Variants in UBE2O observed in about 807,000 individuals in gnomAD.
UBE2O encodes (E3-independent) E2 ubiquitin-conjugating enzyme.
UBE2O carries 15 observed loss-of-function variants against 125.8 expected under a neutral mutation model. The observed-to-expected ratio is 0.12, with a 90% confidence interval of 0.08 to 0.18. The LOEUF is 0.18. UBE2O is among the 10% of genes least tolerant of loss of function. UBE2O has a pLI of 1.00. For synonymous variants in UBE2O, 708 were observed against 703.2 expected, an observed-to-expected ratio of 1.01 and a Z score of -0.11; for missense variants, 1,280 against 1,723.6, an observed-to-expected ratio of 0.74 and a Z score of 4.56.
At chr17:76,428,736 T>G (rs2143836216) in intron 1 of UBE2O, among the ~76,000 whole-genome samples, 1 of 152,328 alleles carries the variant, frequency 6.6e-6, no homozygotes, top group Middle Eastern at 3.4e-3. Flanking sequence ...GTATCTTGAC[T>G]GCTGTTACAT....
At chr17:76,438,995 C>T (rs763762484) in intron 1 of UBE2O, among the ~76,000 whole-genome samples, 1 of 152,174 alleles carries the variant, frequency 6.6e-6, no homozygotes, top group Non-Finnish European at 1.5e-5. Flanking sequence ...CGCCAAATCA[C>T]CCATTGTAAA....
rs1598585562 is a variant in UBE2O, at chr17:76,399,331, A to T, written c.1628+118T>A. 3 of 1,067,014 alleles carry T rather than the reference A, an allele frequency of 2.8e-6. No homozygotes were observed. In the South Asian group the frequency reaches 4.6e-5, roughly 16 times the overall value. The allele number at this position is 1,067,014 out of a possible 1,614,324, so 66.1% of individuals were successfully genotyped here. ...ACGTTGTCTCGGGTGGGAGCCCCGG[A>T]GCCACTACAAGGCATGCAGAGGTGT... On this transcript the variant is annotated intron_variant, in intron 9 of 17. Transcript: ENST00000319380. This position sits in a 1 kb window ranked among gnomAD's most constrained non-coding sequence, Gnocchi z 6.9.
Position 76,390,627 on chromosome 17 carries a change from C to T in UBE2O, c.*316G>A, listed in dbSNP as rs757689409. 279 of 269,178 alleles carry T rather than the reference C, an allele frequency of 1.0e-3. 1 individual carries two copies. Among genetic ancestry groups the T allele is most frequent in the Non-Finnish European group, 1.2e-3 (171 of 141,634 alleles). The allele number at this position is 269,178 out of a possible 1,614,324, so 16.7% of individuals were successfully genotyped here. A position where few individuals can be genotyped will look rare whatever the true frequency, so the allele number is the denominator to read the frequency against. ...GCCCCGCGGCAGGCCCTGGAACACC[C>T]GCCTCTGACCTGAGAAGGGGCAGCA... On this transcript the variant is annotated 3_prime_UTR_variant, in exon 18 of 18. Coordinates refer to ENST00000319380, the MANE Select transcript of UBE2O (RefSeq NM_022066.4).
At chr17:76,432,684 C>T (rs1479380209) in intron 1 of UBE2O, among the ~76,000 whole-genome samples, 2 of 152,152 alleles carry the variant, frequency 1.3e-5, no homozygotes, top group Non-Finnish European at 2.9e-5. Flanking sequence ...AGGTAGCCCA[C>T]CTGCGAGACT....
chr17:76,452,380 A>C lies in UBE2O; in HGVS notation c.417+345T>G, dbSNP rs1018296241. 2.0e-5 allele frequency among the ~76,000 whole-genome samples: 3 copies of C among 152,024 alleles called. No homozygotes were observed. Among genetic ancestry groups the C allele is most frequent in the African/African-American group, 7.2e-5 (3 of 41,388 alleles). ...TCCTTGGGGGTCAGCAAAACGCCGC[A>C]CTGGTGTAACGCCGAACGCGCCCCA... On this transcript the variant is annotated intron_variant, in intron 1 of 17. Transcript: ENST00000319380. The surrounding 1 kb of genome is among the most constrained non-coding windows in gnomAD (Gnocchi z 4.4).
chr17:76,437,385 G>A (rs1443942680), intron 1 of UBE2O, among the ~76,000 whole-genome samples: 4 of 150,108 alleles, frequency 2.7e-5, no homozygotes, highest in Non-Finnish European at 5.9e-5. Flanking sequence ...GGGAGGCGGA[G>A]CTTGCAGTGA....
chr17:76,420,547 G>A (rs1444422415), intron 1 of UBE2O, among the ~76,000 whole-genome samples: 1 of 152,124 alleles, frequency 6.6e-6, no homozygotes, highest in East Asian at 1.9e-4. Context: ...GGCACTGGCA[G>A]GTTTCATGAC....
chr17:76,420,510 A>G (rs543680120), intron 1 of UBE2O, among the ~76,000 whole-genome samples: 1 of 152,246 alleles, frequency 6.6e-6, no homozygotes, highest in African/African-American at 2.4e-5. Flanking sequence ...GCAACCCTAC[A>G]TGCAGGCCAG....
chr17:76,445,377 A>G (rs2073135546), intron 1 of UBE2O, among the ~76,000 whole-genome samples: 1 of 152,176 alleles, frequency 6.6e-6, no homozygotes, highest in Non-Finnish European at 1.5e-5. Context: ...GCTGCAGAAT[A>G]TTAAATATTG....
Position 76,399,877 on chromosome 17 carries a change from G to A in UBE2O, c.1200C>T (p.Cys400=), listed in dbSNP as rs151336177. The stretch of plus-strand genomic sequence containing the variant: ...CCCGGGAACACTGGGTGTCTGGGGA[G>A]CATGACATGATCCGCACAACCTGCT... ...LKKQVVRIMS[C]SPDTQCSRDH... Residue 400 remains cysteine, a synonymous_variant, in exon 9 of 18, where the codon TGC becomes TGT. Transcript: ENST00000319380. This position sits in a 1 kb window ranked among gnomAD's most constrained non-coding sequence, Gnocchi z 6.9. 2 of 1,612,926 alleles carry A rather than the reference G, an allele frequency of 1.2e-6. No homozygotes were observed. Among genetic ancestry groups the A allele is most frequent in the Non-Finnish European group, 1.7e-6 (2 of 1,179,434 alleles).
chr17:76,429,095 T>A (rs1005262911), intron 1 of UBE2O, among the ~76,000 whole-genome samples: 3 of 151,218 alleles, frequency 2.0e-5, no homozygotes, highest in Non-Finnish European at 4.4e-5. Flanking sequence ...AGAGACGGGG[T>A]TTAACCATGT....
rs2072352393 is a variant in UBE2O, at chr17:76,402,828, G to A, written c.589-129C>T. 1.3e-5 allele frequency: 10 copies of A among 765,012 alleles called. No homozygotes were observed. Among genetic ancestry groups the A allele is most frequent in the South Asian group, 6.2e-5 (4 of 64,656 alleles). The allele number at this position is 765,012 out of a possible 1,614,324, so 47.4% of individuals were successfully genotyped here. A position where few individuals can be genotyped will look rare whatever the true frequency, so the allele number is the denominator to read the frequency against. The stretch of plus-strand genomic sequence containing the variant: ...AGACAGCTCACTGACTGGACCGGTT[G>A]GCTACTAGCCCTAAACAGCTGCTGC... On this transcript the variant is annotated intron_variant, in intron 3 of 17. Transcript: ENST00000319380. This position sits in a 1 kb window ranked among gnomAD's most constrained non-coding sequence, Gnocchi z 5.4.
At position 76,402,567 on chromosome 17, in the gene UBE2O, C is replaced by T. The variant is rs922828718; in HGVS notation, c.686+35G>A. 2 of 1,584,214 alleles carry T rather than the reference C, an allele frequency of 1.3e-6. No homozygotes were observed. Among genetic ancestry groups the T allele is most frequent in the Non-Finnish European group, 8.7e-7 (1 of 1,152,772 alleles). ...CCCCTCTTTCCAAGAGGCTATCCTT[C>T]CCAAGCCGATGGCTCTCTGGTGGTG... On this transcript the variant is annotated intron_variant, in intron 4 of 17. Transcript: ENST00000319380. This position sits in a 1 kb window ranked among gnomAD's most constrained non-coding sequence, Gnocchi z 5.4.
intron 1 of UBE2O, among the ~76,000 whole-genome samples, chr17:76,438,026 G>A (rs2073025688): frequency 6.6e-6 from 1 of 152,112 alleles, no homozygotes; most frequent in Admixed American, 6.6e-5. Flanking sequence ...CCACTCCTCT[G>A]TCCACACTGC....
At chr17:76,429,135 C>T (rs758554592) in intron 1 of UBE2O, among the ~76,000 whole-genome samples, 1 of 151,804 alleles carries the variant, frequency 6.6e-6, no homozygotes, top group African/African-American at 2.4e-5. Flanking sequence ...CTCCTGACCT[C>T]GTGATCTGCC....
At chr17:76,406,217 C>T (rs768853419) in intron 1 of UBE2O, among the ~76,000 whole-genome samples, 10 of 152,364 alleles carry the variant, frequency 6.6e-5, no homozygotes, top group South Asian at 2.1e-4. Flanking sequence ...TGTCTCTTTA[C>T]GCACAGCTGG....
chr17:76,452,991 C>G lies in UBE2O; in HGVS notation c.151G>C (p.Gly51Arg). Residue 51 changes from glycine to arginine, a missense_variant, in exon 1 of 18, where the codon GGC (glycine) becomes CGC (arginine). Around this residue, in one of 10 missense-constraint regions of UBE2O, gnomAD observed 188 missense variants for 192.5 expected, o/e 0.98. Transcript: ENST00000319380. The surrounding 1 kb of genome is among the most constrained non-coding windows in gnomAD (Gnocchi z 4.4). ...AGGCGCTGCGAGCCGGCTTCTGGGC[C>G]GGAGTCCGAGGACGGCCCGGAGGCC... is the stretch of plus-strand genomic sequence containing the variant. ...DSASGPSSDS[G>R]PEAGSQRLLF... The G allele has an allele frequency of 2.0e-6, 3 of 1,491,602 alleles. No individual in the cohort carries two copies. Among genetic ancestry groups the G allele is most frequent in the Non-Finnish European group, 2.7e-6 (3 of 1,120,722 alleles). The allele number at this position is 1,491,602 out of a possible 1,614,324, so 92.4% of individuals were successfully genotyped here. A position where few individuals can be genotyped will look rare whatever the true frequency, so the allele number is the denominator to read the frequency against.
At chr17:76,424,256 T>C (rs1365169864) in intron 1 of UBE2O, among the ~76,000 whole-genome samples, 1 of 135,004 alleles carries the variant, frequency 7.4e-6, no homozygotes, top group Non-Finnish European at 1.6e-5. Context: ...TTGCCCAGCC[T>C]GGAGTGCAAT....
intron 1 of UBE2O, among the ~76,000 whole-genome samples, chr17:76,450,803 T>G (rs1397426648): frequency 1.3e-5 from 2 of 152,138 alleles, no homozygotes; most frequent in African/African-American, 4.8e-5. Context: ...GTATTTTTAG[T>G]AGAGACAGGG....
Sources: gnomAD v4.1 joint callset for allele counts (sites outside exome capture counted in the v4.1 genomes callset) on GRCh38, gnomAD v4.1.1 for gene constraint, gnomAD v4.1.1 regional missense constraint, Gnocchi (gnomAD v3.1) non-coding constraint, MANE v1.5 for transcripts, NCBI Gene and HGNC (gene_info 2026-07-23, HGNC 2026-07-21) for gene names.